The following CFAP20DC variants were observed in gnomAD, a reference collection of about 807,000 sequenced individuals.
CFAP20DC encodes protein CFAP20DC.
In CFAP20DC, 84 loss-of-function variants were observed where a neutral mutation model predicts 101.7. The observed-to-expected ratio is 0.83, with a 90% CI of 0.69 to 0.99. The LOEUF is 0.99. Among genes scored for constraint, CFAP20DC ranks in the 50% least tolerant of loss-of-function variants. The pLI, the probability that CFAP20DC is intolerant of heterozygous loss-of-function variation, is 0.00. For missense variants in CFAP20DC, 1,007 were observed against 970.3 expected (o/e 1.04, Z -0.50); for synonymous variants, 359 against 351.2 (o/e 1.02, Z -0.25).
chr3:58,865,534 G>T (rs2108488432), intron 11 of CFAP20DC, among the ~76,000 whole-genome samples: 1 of 152,224 alleles, frequency 6.6e-6, no homozygotes, highest in East Asian at 1.9e-4. Context: ...GGGGTGCAGG[G>T]GCATATGGTC....
chr3:58,884,004 T>G (rs551267403), intron 7 of CFAP20DC, among the ~76,000 whole-genome samples: 5 of 152,200 alleles, frequency 3.3e-5, no homozygotes, highest in Non-Finnish European at 7.4e-5. Context: ...TAAAAAAAAT[T>G]TCAGACAATG....
At chr3:58,931,641 G>A (rs1347101570) in intron 5 of CFAP20DC, among the ~76,000 whole-genome samples, 3 of 152,218 alleles carry the variant, frequency 2.0e-5, no homozygotes, top group East Asian at 1.9e-4. Context: ...TGCAGCCACC[G>A]CTGCGGATAC....
chr3:58,996,888 G>C (rs113360862), intron 4 of CFAP20DC, among the ~76,000 whole-genome samples: 1,547 of 152,332 alleles, frequency 0.01, 24 homozygotes, highest in African/African-American at 0.035. Flanking sequence ...ACTGGGAAGA[G>C]CGCACACCGG....
chr3:58,989,269 A>G (rs893163029), intron 4 of CFAP20DC, among the ~76,000 whole-genome samples: 4 of 152,162 alleles, frequency 2.6e-5, no homozygotes, highest in African/African-American at 4.8e-5. Flanking sequence ...TAGATCTGCA[A>G]TACTAATAGC....
chr3:58,960,619 A>G (rs1381157134), intron 4 of CFAP20DC, among the ~76,000 whole-genome samples: 2 of 152,018 alleles, frequency 1.3e-5, no homozygotes, highest in Non-Finnish European at 2.9e-5. Context: ...TTCTGCATAT[A>G]TTGACTTTCA....
intron 4 of CFAP20DC, 84 bp from the exon 5 acceptor site, chr3:58,937,846 T>TA: frequency 2.6e-6 from 2 of 777,128 alleles, no homozygotes; most frequent in Non-Finnish European, 4.3e-6. Context: ...ATGATATAAT[T>TA]TATCATACAG....
rs979111448 is a variant in CFAP20DC at position 58,930,411 on chromosome 3, T to G, written c.393+7237A>C. Among the ~76,000 whole-genome samples, 3 of 152,236 alleles carry G rather than the reference T, an allele frequency of 2.0e-5. No individual in the cohort carries two copies. The South Asian group carries it at 6.2e-4, about 31-fold the overall frequency. ...TAGCCCAAAAGCTTTAATGGCTTCC[T>G]TTTCAAATCCACCACAGTAGTTCCC... On this transcript the variant is annotated intron_variant, in intron 5 of 16. Coordinates refer to ENST00000482387, the MANE Select transcript of CFAP20DC (RefSeq NM_001394063.1).
At position 58,841,831 on chromosome 3, in the gene CFAP20DC, C is replaced by A. The variant is rs543839938; in HGVS notation, c.1971+7201G>T. Among the ~76,000 whole-genome samples, 3 of 152,276 alleles carry A rather than the reference C, an allele frequency of 2.0e-5. No individual in the cohort carries two copies. The South Asian group carries it at 6.2e-4, about 32-fold the overall frequency. On this transcript the variant is annotated intron_variant, in intron 13 of 16. Transcript: ENST00000482387. ...ATGAAACTACGCATTCTTCAATAAG[C>A]TCAAACTTTTTCTGGAGCTATAAAG...
At chr3:58,751,936 A>G (rs1292275309) in intron 16 of CFAP20DC, among the ~76,000 whole-genome samples, 1 of 152,092 alleles carries the variant, frequency 6.6e-6, no homozygotes, top group Non-Finnish European at 1.5e-5. Flanking sequence ...AGTAAGTGCT[A>G]AATGAATGGT....
intron 16 of CFAP20DC, among the ~76,000 whole-genome samples, chr3:58,743,775 C>G (rs1459414340): frequency 4.6e-5 from 7 of 152,148 alleles, no homozygotes; most frequent in Non-Finnish European, 7.3e-5. Flanking sequence ...TCAGACCAAG[C>G]TGGTGCCTGA....
At chr3:58,843,122 G>A (rs2077294528) in intron 13 of CFAP20DC, among the ~76,000 whole-genome samples, 1 of 152,194 alleles carries the variant, frequency 6.6e-6, no homozygotes, top group African/African-American at 2.4e-5. Context: ...TCCTCCAAAG[G>A]AACACAGTTC....
At chr3:58,999,907 T>G (rs938756320) in intron 4 of CFAP20DC, among the ~76,000 whole-genome samples, 2 of 146,580 alleles carry the variant, frequency 1.4e-5, no homozygotes, top group African/African-American at 5.1e-5. Context: ...AGAGAGAGGG[T>G]TCTTATGCTT....
intron 6 of CFAP20DC, among the ~76,000 whole-genome samples, chr3:58,887,693 T>G (rs904694812): frequency 6.6e-6 from 1 of 152,194 alleles, no homozygotes; most frequent in Non-Finnish European, 1.5e-5. Flanking sequence ...ATTAAAAGGC[T>G]CAAATCTAAT....
intron 4 of CFAP20DC, among the ~76,000 whole-genome samples, chr3:59,025,735 T>C (rs2093881263): frequency 1.3e-5 from 2 of 152,150 alleles, no homozygotes; most frequent in Non-Finnish European, 1.5e-5. Context: ...TGATAATTGA[T>C]ATGGCAATCA....
intron 14 of CFAP20DC, among the ~76,000 whole-genome samples, chr3:58,830,809 T>A (rs2076347015): frequency 6.6e-6 from 1 of 152,232 alleles, no homozygotes; most frequent in Admixed American, 6.5e-5. Context: ...TGTGGAGGTC[T>A]TAAAATGGCT....
At chr3:58,900,688 A>G (rs2083072160) in intron 6 of CFAP20DC, among the ~76,000 whole-genome samples, 1 of 152,254 alleles carries the variant, frequency 6.6e-6, no homozygotes, top group African/African-American at 2.4e-5. Flanking sequence ...GAAGGCTATG[A>G]GAAAGCTGAC....
chr3:58,780,144 T>TA lies in CFAP20DC; in HGVS notation c.2237+26250dup, dbSNP rs2071691549. Among the ~76,000 whole-genome samples, 3 of 151,886 alleles carry TA rather than the reference T, an allele frequency of 2.0e-5. No homozygotes were observed. In the South Asian group the frequency reaches 6.2e-4, roughly 31 times the overall value. On this transcript the variant is annotated intron_variant, in intron 15 of 16. Transcript: ENST00000482387. ...CCTTCATAAATGAAAGAGAAGTAAA[T>TA]AAAATCTTTGTCAGACAAGCAAAAG... is the stretch of plus-strand genomic sequence containing the variant.
At chr3:58,903,378 C>A (rs983424167) in intron 6 of CFAP20DC, among the ~76,000 whole-genome samples, 1 of 152,120 alleles carries the variant, frequency 6.6e-6, no homozygotes, top group Non-Finnish European at 1.5e-5. Context: ...TATACAGAAT[C>A]ATCTGTTGAA....
At chr3:58,992,503 C>T in intron 4 of CFAP20DC, 3 of 928,152 alleles carry the variant, frequency 3.2e-6, no homozygotes, top group Non-Finnish European at 3.9e-6. Context: ...AGAAAAAAAC[C>T]TCACCTCGTT....
Sources: allele counts gnomAD v4.1 joint callset (sites outside exome capture counted in the v4.1 genomes callset), GRCh38; gene constraint gnomAD v4.1.1; transcripts MANE v1.5; gene names NCBI Gene and HGNC (gene_info 2026-07-23, HGNC 2026-07-21).